PTPRD: variants seen among roughly 807,000 people sequenced by gnomAD.
PTPRD encodes receptor-type tyrosine-protein phosphatase delta.
A neutral mutation model predicts 214.5 loss-of-function variants in PTPRD; 34 were observed. The ratio of observed to expected loss-of-function variants is 0.16; its 90% CI spans 0.12 to 0.21. The LOEUF (loss-of-function observed/expected upper bound fraction) is 0.21, where lower values mean the gene tolerates loss of function less well. PTPRD is among the 10% of genes least tolerant of loss of function. The pLI, the probability that PTPRD is intolerant of heterozygous loss-of-function variation, is 1.00. For synonymous variants in PTPRD, 1,128 were observed against 845.7 expected (o/e 1.33, Z -5.79); for missense variants, 2,545 against 2,398.7 (o/e 1.06, Z -1.27).
chr9:8,338,001 C>A lies in PTPRD; in HGVS notation c.5379+921G>T, dbSNP rs562074833. ...GGGATTAACAGGTCTGTCACCTAGG[C>A]CAACCCTCCTGCTAACCAATTTCTC... On this transcript the variant is annotated intron_variant, in intron 43 of 45. Coordinates refer to ENST00000381196, the MANE Select transcript of PTPRD (RefSeq NM_002839.4). 2.0e-5 allele frequency among the ~76,000 whole-genome samples: 3 copies of A among 152,142 alleles called. No homozygotes were observed. In the South Asian group the frequency reaches 6.2e-4, roughly 32 times the overall value.
At chr9:9,685,238 T>C (rs2097146745) in intron 7 of PTPRD, among the ~76,000 whole-genome samples, 1 of 148,546 alleles carries the variant, frequency 6.7e-6, no homozygotes, top group Admixed American at 6.9e-5. Flanking sequence ...TGGTTATTTT[T>C]GTATAGCATA....
At chr9:9,618,632 A>G (rs972901788) in intron 7 of PTPRD, among the ~76,000 whole-genome samples, 5 of 152,186 alleles carry the variant, frequency 3.3e-5, no homozygotes, top group Admixed American at 3.3e-4. Flanking sequence ...AAAAAAAGTG[A>G]AAGTAGTAAG....
At chr9:9,759,734 T>C (rs1215259564) in intron 6 of PTPRD, among the ~76,000 whole-genome samples, 1 of 151,904 alleles carries the variant, frequency 6.6e-6, no homozygotes, top group East Asian at 1.9e-4. Flanking sequence ...ACTTTTTTTA[T>C]TTTTAGTAGA....
intron 3 of PTPRD, among the ~76,000 whole-genome samples, chr9:10,310,192 G>C (rs1329487727): frequency 2.0e-5 from 3 of 151,998 alleles, no homozygotes; most frequent in East Asian, 1.9e-4. Flanking sequence ...CTTCTCATTT[G>C]TTTCAGGGAC....
intron 11 of PTPRD, among the ~76,000 whole-genome samples, chr9:8,950,741 A>G (rs1441686218): frequency 6.6e-6 from 1 of 151,502 alleles, no homozygotes; most frequent in Non-Finnish European, 1.5e-5. Flanking sequence ...GAAAGAATCT[A>G]AGAGCGATTC....
chr9:8,652,896 T>G (rs566683085), intron 12 of PTPRD, among the ~76,000 whole-genome samples: 2 of 152,330 alleles, frequency 1.3e-5, no homozygotes, highest in South Asian at 4.1e-4. Flanking sequence ...CAGGTTATTG[T>G]GAGATAAGCC....
In PTPRD at chr9:9,728,083, G is replaced by T. The variant is rs990038585; in HGVS notation, c.-287+6450C>A. ...CATGCGATCTGACGGCTTTATAAGG[G>T]GTTTCCTCTTTTTGCTTGGCTCCCA... On this transcript the variant is annotated intron_variant, in intron 7 of 45. Transcript: ENST00000381196. Among the ~76,000 whole-genome samples the T allele has an allele frequency of 5.9e-5, 9 of 152,072 alleles. No homozygotes were observed. In the South Asian group the frequency reaches 1.9e-3, roughly 32 times the overall value.
At chr9:9,485,080 T>A (rs1225251335) in intron 8 of PTPRD, among the ~76,000 whole-genome samples, 4 of 152,220 alleles carry the variant, frequency 2.6e-5, no homozygotes, top group Admixed American at 1.3e-4. Context: ...CCTCTTGCAG[T>A]TTTTGAAAGA....
intron 5 of PTPRD, among the ~76,000 whole-genome samples, chr9:9,859,192 T>C (rs894519453): frequency 3.3e-5 from 5 of 152,210 alleles, no homozygotes; most frequent in Non-Finnish European, 5.9e-5. Flanking sequence ...TCTGCCGTGA[T>C]TGTAAGTTTC....
At chr9:9,217,852 G>C (rs1367586188) in intron 9 of PTPRD, among the ~76,000 whole-genome samples, 1 of 152,070 alleles carries the variant, frequency 6.6e-6, no homozygotes, top group Non-Finnish European at 1.5e-5. Context: ...AAGTATTTCA[G>C]AAGCGGCTTC....
intron 8 of PTPRD, among the ~76,000 whole-genome samples, chr9:9,500,795 T>C (rs1313816777): frequency 1.3e-5 from 2 of 151,984 alleles, no homozygotes; most frequent in Non-Finnish European, 2.9e-5. Context: ...AAAGCAAAAA[T>C]AATAAAGTTG....
At chr9:8,928,643 C>T (rs930827877) in intron 11 of PTPRD, among the ~76,000 whole-genome samples, 36 of 152,042 alleles carry the variant, frequency 2.4e-4, no homozygotes, top group Admixed American at 1.9e-3. Context: ...TGGCTTTGTT[C>T]TTTTTGCTTA....
chr9:8,804,414 A>G (rs1016050420), intron 11 of PTPRD, among the ~76,000 whole-genome samples: 1 of 151,790 alleles, frequency 6.6e-6, no homozygotes, highest in Non-Finnish European at 1.5e-5. Flanking sequence ...CCTGGGCAAC[A>G]TAAGAAGACT....
intron 3 of PTPRD, among the ~76,000 whole-genome samples, chr9:10,312,133 T>C (rs1413344179): frequency 6.6e-6 from 1 of 151,980 alleles, no homozygotes; most frequent in Non-Finnish European, 1.5e-5. Flanking sequence ...TAGTCAGACA[T>C]GATTTGGTAC....
chr9:10,219,166 T>C (rs2099554642), intron 3 of PTPRD, among the ~76,000 whole-genome samples: 1 of 151,692 alleles, frequency 6.6e-6, no homozygotes, highest in Non-Finnish European at 1.5e-5. Flanking sequence ...CTCTCAGGTG[T>C]AAGAAAACCT....
intron 12 of PTPRD, among the ~76,000 whole-genome samples, chr9:8,654,174 AACTACTG>A (rs2096866146): frequency 6.6e-6 from 1 of 152,160 alleles, no homozygotes; most frequent in Non-Finnish European, 1.5e-5. Context: ...TTAGCACCAA[AACTACTG>A]ACTGTATCTC....
At chr9:10,532,412 G>T (rs1590200431) in intron 2 of PTPRD, 1 of 150,960 alleles carries the variant, frequency 6.6e-6, no homozygotes, top group South Asian at 2.1e-4. Flanking sequence ...TACAAAAAAT[G>T]AACAAATGAC....
chr9:8,335,612 T>A (rs1364186304), intron 43 of PTPRD, among the ~76,000 whole-genome samples: 1 of 152,198 alleles, frequency 6.6e-6, no homozygotes, highest in Non-Finnish European at 1.5e-5. Context: ...TCACCACTCC[T>A]ATTCAACACA....
At chr9:8,577,796 A>G (rs1313016102) in intron 14 of PTPRD, among the ~76,000 whole-genome samples, 3 of 152,078 alleles carry the variant, frequency 2.0e-5, no homozygotes, top group Non-Finnish European at 4.4e-5. Flanking sequence ...AAAATGCAAA[A>G]TCTCGGGCCC....
Sources: gnomAD v4.1 joint callset for allele counts (sites outside exome capture counted in the v4.1 genomes callset) on GRCh38, gnomAD v4.1.1 for gene constraint, MANE v1.5 for transcripts, NCBI Gene and HGNC (gene_info 2026-07-23, HGNC 2026-07-21) for gene names.